The following CDC42BPB variants were observed in gnomAD, a reference collection of about 807,000 sequenced individuals.
CDC42BPB encodes CDC42 binding protein kinase beta.
A neutral mutation model predicts 214.9 loss-of-function variants in CDC42BPB; 37 were observed. That is an observed-to-expected ratio of 0.17 (90% CI 0.13 to 0.23). The LOEUF is 0.23. Ranked by LOEUF, CDC42BPB falls within the 10% of genes least tolerant of loss-of-function variation. CDC42BPB has a pLI of 1.00. For synonymous variants in CDC42BPB, 931 were observed against 884.0 expected (o/e 1.05, Z -0.94); for missense variants, 1,694 against 2,227.0 (o/e 0.76, Z 4.82).
At chr14:102,977,898 C>T (rs968646579) in intron 9 of CDC42BPB, among the ~76,000 whole-genome samples, 1 of 152,194 alleles carries the variant, frequency 6.6e-6, no homozygotes, top group African/African-American at 2.4e-5. Context: ...GAATTCTTTA[C>T]GACCTGGATA....
intron 30 of CDC42BPB, chr14:102,941,347 GCT>G (rs551943804): frequency 4.8e-5 from 47 of 985,346 alleles, no homozygotes; most frequent in Non-Finnish European, 5.4e-5. Flanking sequence ...AAAGCCTTCT[GCT>G]CTGTTTCTAT....
In CDC42BPB at chr14:103,053,622, C is replaced by T. The variant is rs543550200; in HGVS notation, c.175+3377G>A. On this transcript the variant is annotated intron_variant, in intron 1 of 36. Coordinates refer to ENST00000361246, the MANE Select transcript of CDC42BPB (RefSeq NM_006035.4). The stretch of plus-strand genomic sequence containing the variant: ...TAAAAATACAAAAAAATTAGCCAGG[C>T]GTGATGGCGGGCGCCTGTAGTCCCA... Among the ~76,000 whole-genome samples, 127 of 151,178 alleles carry T rather than the reference C, an allele frequency of 8.4e-4. 1 individual carries two copies. Among genetic ancestry groups the T allele is most frequent in the Admixed American group, 7.9e-3 (120 of 15,184 alleles).
At chr14:103,006,562 A>G (rs989089743) in intron 3 of CDC42BPB, among the ~76,000 whole-genome samples, 1 of 152,262 alleles carries the variant, frequency 6.6e-6, no homozygotes, top group Non-Finnish European at 1.5e-5. Context: ...TGCCTGGTAG[A>G]AAAATTATAA....
intron 23 of CDC42BPB, among the ~76,000 whole-genome samples, chr14:102,953,470 T>C (rs1035694528): frequency 7.9e-5 from 12 of 152,226 alleles, no homozygotes; most frequent in African/African-American, 2.7e-4. Context: ...GGTAGCCTCA[T>C]AGAAGTTTGG....
At position 103,007,804 on chromosome 14, in the gene CDC42BPB, G is replaced by C. The variant is rs532812604; in HGVS notation, c.351+668C>G. 4.2e-5 allele frequency among the ~76,000 whole-genome samples: 6 copies of C among 142,138 alleles called. No homozygotes were observed. In the South Asian group the frequency reaches 6.7e-4, roughly 16 times the overall value. 93.2% of individuals were successfully genotyped at this position (142,138 alleles called of 152,430 possible). On this transcript the variant is annotated intron_variant, in intron 3 of 36. Coordinates refer to ENST00000361246, the MANE Select transcript of CDC42BPB (RefSeq NM_006035.4). ...GGAGCAGATCTGAAGCAGGAAGCAG[G>C]TCAACTGGCCAGGAAGGGCCTGGGC...
intron 36 of CDC42BPB, among the ~76,000 whole-genome samples, chr14:102,936,541 G>C (rs991664452): frequency 6.7e-6 from 1 of 148,620 alleles, no homozygotes; most frequent in Non-Finnish European, 1.5e-5. Context: ...CCATTTCCAC[G>C]AAATGTCCAG....
intron 1 of CDC42BPB, among the ~76,000 whole-genome samples, chr14:103,023,221 G>A (rs561641320): frequency 1.3e-5 from 2 of 149,222 alleles, no homozygotes; most frequent in African/African-American, 5.0e-5. Flanking sequence ...AGGCTGGAGT[G>A]CACTGGCGCG....
At chr14:103,007,392 A>G (rs542434297) in intron 3 of CDC42BPB, among the ~76,000 whole-genome samples, 2 of 152,284 alleles carry the variant, frequency 1.3e-5, no homozygotes, top group South Asian at 4.1e-4. Flanking sequence ...TCTGGCCCGA[A>G]TCGATGGTTG....
At chr14:102,977,339 C>CCA (rs1893797208) in intron 9 of CDC42BPB, among the ~76,000 whole-genome samples, 1 of 85,112 alleles carries the variant, frequency 1.2e-5, no homozygotes, top group Non-Finnish European at 2.3e-5. Context: ...ACTCCGTCTC[C>CCA]AAAAAAAAAA....
At chr14:103,015,291 ACTG>A (rs1461770692) in intron 1 of CDC42BPB, among the ~76,000 whole-genome samples, 1 of 152,206 alleles carries the variant, frequency 6.6e-6, no homozygotes, top group Non-Finnish European at 1.5e-5. Context: ...ATATTTTCAA[ACTG>A]CTCCGAGAAC....
At chr14:103,045,335 G>A (rs1005400345) in intron 1 of CDC42BPB, among the ~76,000 whole-genome samples, 1 of 152,144 alleles carries the variant, frequency 6.6e-6, no homozygotes, top group African/African-American at 2.4e-5. Context: ...AAAAGCTCTG[G>A]AGGTTAAACA....
chr14:102,986,355 C>A (rs912806584), intron 6 of CDC42BPB, 132 bp downstream of exon 6: 36 of 593,524 alleles, frequency 6.1e-5, no homozygotes, highest in African/African-American at 4.1e-4. Context: ...AAAATTTCAA[C>A]TATCTCCAAA....
intron 1 of CDC42BPB, among the ~76,000 whole-genome samples, chr14:103,023,822 C>A (rs1886902207): frequency 6.6e-6 from 1 of 152,086 alleles, no homozygotes; most frequent in African/African-American, 2.4e-5. Flanking sequence ...GCAGATTTTG[C>A]AGCTCGCCAA....
intron 1 of CDC42BPB, among the ~76,000 whole-genome samples, chr14:103,016,356 T>A (rs1886459190): frequency 6.6e-6 from 1 of 152,198 alleles, no homozygotes; most frequent in African/African-American, 2.4e-5. Flanking sequence ...CTCCCAGCCT[T>A]GTAGTCTCCC....
intron 36 of CDC42BPB, among the ~76,000 whole-genome samples, chr14:102,935,764 C>CAAAA (rs55833197): frequency 2.0e-4 from 15 of 74,548 alleles, no homozygotes; most frequent in African/African-American, 5.1e-4. Flanking sequence ...CACTCTGTCT[C>CAAAA]AAAAAAAAAA....
rs535307370 is a variant in CDC42BPB at position 102,954,582 on chromosome 14, C to T, written c.2988+20G>A. The T allele has an allele frequency of 6.2e-7, 1 of 1,603,304 alleles. No homozygotes were observed. The highest frequency in any genetic ancestry group is 8.5e-7 in the Non-Finnish European group (1 of 1,171,188). ...GGGCAGACCCCAGGTGGGAGCATCA[C>T]CAGGGCAACGCTGTCTCACCTCCTG... is the stretch of plus-strand genomic sequence containing the variant. On this transcript the variant is annotated intron_variant, in intron 22 of 36. Coordinates refer to ENST00000361246, the MANE Select transcript of CDC42BPB (RefSeq NM_006035.4).
At chr14:102,982,444 G>A (rs543001015) in intron 7 of CDC42BPB, among the ~76,000 whole-genome samples, 10 of 152,250 alleles carry the variant, frequency 6.6e-5, no homozygotes, top group Non-Finnish European at 8.8e-5. Flanking sequence ...CTATGAGCAC[G>A]CTGGTAGAGA....
At chr14:102,946,964 T>A in intron 27 of CDC42BPB, 1 of 526,942 alleles carries the variant, frequency 1.9e-6, no homozygotes, top group Non-Finnish European at 2.4e-6. Flanking sequence ...CTACTTTAAA[T>A]CTGCTTTCTT....
At chr14:103,016,739 G>A (rs1197523873) in intron 1 of CDC42BPB, among the ~76,000 whole-genome samples, 1 of 152,164 alleles carries the variant, frequency 6.6e-6, no homozygotes. Flanking sequence ...TGAACTTGCA[G>A]CTTCAATATA....
Sources: allele counts gnomAD v4.1 joint callset (sites outside exome capture counted in the v4.1 genomes callset), GRCh38; gene constraint gnomAD v4.1.1; transcripts MANE v1.5; gene names NCBI Gene and HGNC (gene_info 2026-07-23, HGNC 2026-07-21).